The following TLL1 variants were observed in gnomAD, a reference collection of about 807,000 sequenced individuals.
TLL1 encodes tolloid-like protein 1.
TLL1 carries 49 observed loss-of-function variants against 128.2 expected under a neutral mutation model. The observed-to-expected ratio is 0.38, with a 90% CI of 0.30 to 0.48. The LOEUF is 0.48. Among genes scored for constraint, TLL1 ranks in the 20% least tolerant of loss-of-function variants. The pLI, the probability that TLL1 is intolerant of heterozygous loss-of-function variation, is 0.96. For synonymous variants in TLL1, 454 were observed against 418.8 expected (o/e 1.08, Z -1.03); for missense variants, 1,123 against 1,242.0 (o/e 0.90, Z 1.44).
chr4:165,912,099 T>A (rs968609469), intron 1 of TLL1, among the ~76,000 whole-genome samples: 16 of 152,114 alleles, frequency 1.1e-4, no homozygotes, highest in Non-Finnish European at 1.6e-4. Flanking sequence ...ATGGTCTCGA[T>A]CTCCTGACCT....
chr4:165,964,534 T>C (rs1735275081), intron 1 of TLL1, among the ~76,000 whole-genome samples: 1 of 152,166 alleles, frequency 6.6e-6, no homozygotes, highest in Non-Finnish European at 1.5e-5. Context: ...GAGATGTAAC[T>C]CTGGATAGTT....
At chr4:166,002,157 A>C (rs1293516236) in intron 5 of TLL1, among the ~76,000 whole-genome samples, 5 of 152,134 alleles carry the variant, frequency 3.3e-5, no homozygotes, top group African/African-American at 1.2e-4. Context: ...GCTCTGGTGC[A>C]TAGACGGATG....
chr4:166,009,785 T>C (rs1737601665), intron 7 of TLL1, among the ~76,000 whole-genome samples: 1 of 151,438 alleles, frequency 6.6e-6, no homozygotes, highest in Non-Finnish European at 1.5e-5. Context: ...ATTCTGCTAC[T>C]CCCTCAAAGT....
intron 1 of TLL1, among the ~76,000 whole-genome samples, chr4:165,924,620 G>T (rs907962310): frequency 3.3e-5 from 5 of 152,156 alleles, no homozygotes; most frequent in African/African-American, 1.2e-4. Flanking sequence ...TTTTGTAGAC[G>T]CTGCAGCAAG....
intron 1 of TLL1, among the ~76,000 whole-genome samples, chr4:165,987,590 C>T (rs1736447482): frequency 6.6e-6 from 1 of 151,954 alleles, no homozygotes; most frequent in Admixed American, 6.6e-5. Context: ...GAAATAGGGC[C>T]AGTGAGGGGT....
intron 1 of TLL1, among the ~76,000 whole-genome samples, chr4:165,962,746 C>CGAA (rs1409773487): frequency 6.6e-6 from 1 of 152,014 alleles, no homozygotes; most frequent in African/African-American, 2.4e-5. Context: ...AGAAAGAAAT[C>CGAA]ATGTTCTTTG....
chr4:166,065,985 C>T, intron 16 of TLL1, 122 bp downstream of exon 16: 2 of 695,244 alleles, frequency 2.9e-6, no homozygotes, highest in Non-Finnish European at 4.8e-6. Context: ...GTAGGCCTTA[C>T]AAACAACACA....
At chr4:165,915,697 T>C (rs958198291) in intron 1 of TLL1, among the ~76,000 whole-genome samples, 2 of 152,144 alleles carry the variant, frequency 1.3e-5, no homozygotes, top group Non-Finnish European at 1.5e-5. Flanking sequence ...GTACAGCTTA[T>C]GTTAAGGTCA....
chr4:165,992,875 A>T lies in TLL1; in HGVS notation c.352A>T (p.Ile118Phe). 1 of 1,613,210 alleles carries T rather than the reference A, an allele frequency of 6.2e-7. No homozygotes were observed. Among genetic ancestry groups the T allele is most frequent in the Non-Finnish European group, 8.5e-7 (1 of 1,179,354 alleles). Reference protein sequence around the residue: ...LYQLIDRIRRIGFGLEQNNTV... With the variant: ...LYQLIDRIRRFGFGLEQNNTV... ...CCAACTTATAGACAGGATAAGAAGA[A>T]TTGGCTTTGGTATATCAATGTTTAA... The change falls in exon 3 of 21, where the codon ATT (isoleucine) becomes TTT (phenylalanine). Residue 118 changes from isoleucine (I) to phenylalanine (F), a missense_variant. Physicochemically the swap from Ile to Phe is conservative, Grantham distance 21. Coordinates refer to ENST00000061240, the MANE Select transcript of TLL1 (RefSeq NM_012464.5).
rs756611183 is a variant in TLL1 at position 165,916,341 on chromosome 4, G to A, written c.169+42268G>A. On this transcript the variant is annotated intron_variant, in intron 1 of 20. Transcript: ENST00000061240. ...TACAGTATTTTATATTTTGACAGGC[G>A]TTGGGTGCATGCATTTATTAAAACT... is the stretch of plus-strand genomic sequence containing the variant. Among the ~76,000 whole-genome samples the A allele has an allele frequency of 4.6e-5, 7 of 152,272 alleles. No individual in the cohort carries two copies. In the South Asian group the frequency reaches 6.2e-4, roughly 14 times the overall value.
chr4:165,885,989 AC>A (rs1246647422), intron 1 of TLL1, among the ~76,000 whole-genome samples: 2 of 152,132 alleles, frequency 1.3e-5, no homozygotes, highest in Non-Finnish European at 2.9e-5. Flanking sequence ...AGCTCCACAA[AC>A]CTTTAATTTT....
intron 1 of TLL1, among the ~76,000 whole-genome samples, chr4:165,969,505 G>A (rs1437057828): frequency 1.3e-5 from 2 of 152,052 alleles, no homozygotes; most frequent in Non-Finnish European, 2.9e-5. Context: ...CTGCATATAT[G>A]TTGTTTATAT....
chr4:166,074,804 A>T (rs552454484), intron 16 of TLL1, 74 bp from the exon 17 acceptor site: 1 of 1,587,826 alleles, frequency 6.3e-7, no homozygotes, highest in African/African-American at 1.3e-5. Context: ...TGTTAACCAC[A>T]ACTAAATGAC....
chr4:166,032,371 A>T (rs1738808713), intron 9 of TLL1, among the ~76,000 whole-genome samples: 1 of 152,126 alleles, frequency 6.6e-6, no homozygotes, highest in Non-Finnish European at 1.5e-5. Flanking sequence ...TTAAAAATAA[A>T]ATAGTTGGCA....
chr4:165,917,692 C>G (rs1043945768), intron 1 of TLL1, among the ~76,000 whole-genome samples: 5 of 151,992 alleles, frequency 3.3e-5, no homozygotes, highest in Non-Finnish European at 7.4e-5. Flanking sequence ...GTTGTTTACC[C>G]CAAAGCATGA....
chr4:166,012,440 T>C (rs1737738255), intron 7 of TLL1, among the ~76,000 whole-genome samples: 1 of 151,616 alleles, frequency 6.6e-6, no homozygotes, highest in Non-Finnish European at 1.5e-5. Context: ...GAATATATTC[T>C]CTCCAAGATG....
chr4:165,927,945 C>A (rs1292811162), intron 1 of TLL1, among the ~76,000 whole-genome samples: 1 of 152,064 alleles, frequency 6.6e-6, no homozygotes, highest in Non-Finnish European at 1.5e-5. Context: ...TTTTTCCCTT[C>A]CTCTTAGTTA....
At chr4:165,882,642 G>A (rs1415510981) in intron 1 of TLL1, among the ~76,000 whole-genome samples, 6 of 151,876 alleles carry the variant, frequency 4.0e-5, no homozygotes, top group East Asian at 3.9e-4. Context: ...TTTTTGAGAC[G>A]GGTTTTGCTC....
chr4:165,942,828 T>C (rs980471179), intron 1 of TLL1, among the ~76,000 whole-genome samples: 4 of 152,012 alleles, frequency 2.6e-5, no homozygotes, highest in Non-Finnish European at 5.9e-5. Context: ...TCATTATTAG[T>C]GTCTTAGATT....
Sources: allele counts gnomAD v4.1 joint callset (sites outside exome capture counted in the v4.1 genomes callset), GRCh38; gene constraint gnomAD v4.1.1; transcripts MANE v1.5; gene names NCBI Gene and HGNC (gene_info 2026-07-23, HGNC 2026-07-21).